CACNA1H: variants seen among roughly 807,000 people sequenced by gnomAD.
CACNA1H encodes voltage-dependent T-type calcium channel subunit alpha-1H.
CACNA1H carries 149 observed loss-of-function variants against 192.5 expected under a neutral mutation model. The observed-to-expected ratio is 0.77, with a 90% confidence interval of 0.68 to 0.89. CACNA1H has a LOEUF of 0.89. CACNA1H is among the 40% of genes least tolerant of loss of function. CACNA1H has a pLI of 0.00. For missense variants in CACNA1H, 4,257 were observed against 3,423.5 expected (o/e 1.24, Z -6.08); for synonymous variants, 2,202 against 1,475.2 (o/e 1.49, Z -11.29).
chr16:1,175,771 G>C (rs996219435), intron 2 of CACNA1H, among the ~76,000 whole-genome samples: 2 of 152,222 alleles, frequency 1.3e-5, no homozygotes, highest in South Asian at 4.1e-4. Context: ...CCCAGGCTGG[G>C]CAGGTAGGTG....
At chr16:1,170,694 A>G (rs1332805643) in intron 2 of CACNA1H, among the ~76,000 whole-genome samples, 2 of 152,010 alleles carry the variant, frequency 1.3e-5, no homozygotes, top group Non-Finnish European at 2.9e-5. Flanking sequence ...CGATCTGGAC[A>G]GGGATTTCGG....
In CACNA1H at chr16:1,153,771, C is replaced by T. The variant is rs2151603104; in HGVS notation, c.34C>T (p.Arg12Trp). 2 of 1,221,186 alleles carry T rather than the reference C, an allele frequency of 1.6e-6. No homozygotes were observed. Among genetic ancestry groups the T allele is most frequent in the African/African-American group, 1.6e-5 (1 of 63,126 alleles). 75.6% of individuals were successfully genotyped at this position (1,221,186 alleles called of 1,614,324 possible). The change falls in exon 2 of 35, where the codon CGG becomes TGG. Residue 12 changes from arginine to tryptophan, a missense_variant. Arg to Trp is a moderately radical substitution (Grantham distance 101). Coordinates refer to ENST00000348261, the MANE Select transcript of CACNA1H (RefSeq NM_021098.3). ...GGGCGCACGGGCCGCCGACGAGGTC[C>T]GGGTGCCCCTGGGCGCGCCGCCCCC... is the stretch of plus-strand genomic sequence containing the variant. ...TEGARAADEV[R>W]VPLGAPPPGP... is the part of the protein sequence containing the mutation.
chr16:1,163,608 C>T (rs1963449840), intron 2 of CACNA1H, among the ~76,000 whole-genome samples: 1 of 152,252 alleles, frequency 6.6e-6, no homozygotes, highest in Non-Finnish European at 1.5e-5. Context: ...AGCCGCCAGC[C>T]CTGGCTGTGG....
rs1321798024 is a variant in CACNA1H, at chr16:1,221,071, C to T, written c.*77C>T. On this transcript the variant is annotated 3_prime_UTR_variant, in exon 35 of 35. Transcript: ENST00000348261. ...CTGGGGTGGAGGCCCAGGCAGAACC[C>T]TGCATGGACCCTGACTTGGGTCCCG... 3 of 1,117,428 alleles carry T rather than the reference C, an allele frequency of 2.7e-6. No individual in the cohort carries two copies. Among genetic ancestry groups the T allele is most frequent in the Non-Finnish European group, 3.8e-6 (3 of 796,400 alleles). 69.2% of individuals were successfully genotyped at this position (1,117,428 alleles called of 1,614,324 possible).
chr16:1,206,932 C>T (rs1596440753), intron 12 of CACNA1H, 69 bp from the exon 13 acceptor site: 2 of 224,570 alleles, frequency 8.9e-6, no homozygotes, highest in Non-Finnish European at 1.8e-5. Context: ...CCCCCTCCCG[C>T]TCCCCCACCT....
At position 1,204,470 on chromosome 16, in the gene CACNA1H, C is replaced by T. The variant is rs781384027; in HGVS notation, c.2451+12C>T. 4.6e-6 allele frequency: 7 copies of T among 1,518,092 alleles called. No homozygotes were observed. The highest frequency in any genetic ancestry group is 1.4e-5 in the African/African-American group (1 of 71,944). The allele number at this position is 1,518,092 out of a possible 1,614,324, so 94.0% of individuals were successfully genotyped here. A position where few individuals can be genotyped will look rare whatever the true frequency, so the allele number is the denominator to read the frequency against. ...AGTACCATGAGCAGGTGCGGGCTGG[C>T]CTGGCCACGGGGTGGGCTCCCTGTC... is the stretch of plus-strand genomic sequence containing the variant. On this transcript the variant is annotated intron_variant, in intron 10 of 34. Transcript: ENST00000348261.
At position 1,220,141 on chromosome 16, in the gene CACNA1H, G is replaced by A. The variant is rs777897759; in HGVS notation, c.6209G>A (p.Arg2070His). The change falls in exon 35 of 35, where the codon CGT becomes CAT. Residue 2070 changes from arginine to histidine, a missense_variant. Transcript: ENST00000348261. ...RSPRPASVRTRKHTFGQRCVS... is the reference protein window; with the variant it reads ...RSPRPASVRTHKHTFGQRCVS... Reference sequence around the variant, plus strand: ...CCACGGCCCGCCAGCGTCCGCACTCGTAAGCATACCTTCGGACAGCGCTGC... The same window carrying A: ...CCACGGCCCGCCAGCGTCCGCACTCATAAGCATACCTTCGGACAGCGCTGC... 8.6e-6 allele frequency: 13 copies of A among 1,507,298 alleles called. No homozygotes were observed. The highest frequency in any genetic ancestry group is 5.0e-5 in the East Asian group (2 of 39,690). The allele number at this position is 1,507,298 out of a possible 1,614,324, so 93.4% of individuals were successfully genotyped here.
At chr16:1,206,976 AAC>A in intron 12 of CACNA1H, 23 bp from the exon 13 acceptor site, 1 of 1,178,476 alleles carries the variant, frequency 8.5e-7, no homozygotes, top group Non-Finnish European at 1.1e-6. Context: ...CTCCACCCTC[AAC>A]ACGCCCCTGC....
chr16:1,162,731 C>T (rs539944027), intron 2 of CACNA1H, among the ~76,000 whole-genome samples: 27 of 151,466 alleles, frequency 1.8e-4, no homozygotes, highest in Non-Finnish European at 4.4e-5. Flanking sequence ...GAGCAGGGAA[C>T]AAGATGGATG....
rs752653043 is a variant in CACNA1H at position 1,200,440 on chromosome 16, G to C, written c.988G>C (p.Val330Leu). The C allele has an allele frequency of 4.3e-6, 7 of 1,611,006 alleles. No individual in the cohort carries two copies. The African/African-American group carries it at 8.0e-5, about 18-fold the overall frequency. The change falls in exon 7 of 35, where the codon GTG becomes CTG. Residue 330 changes from valine (V) to leucine (L), a missense_variant. By Grantham distance (32) the Val-to-Leu change is conservative. Transcript: ENST00000348261. ...EAYTQPQAEG[V>L]GAARNACINW... ...CTACACGCAGCCGCAGGCCGAGGGG[G>C]TGGGCGCTGCACGCAACGCCTGCAT...
rs1044083232 is a variant in CACNA1H at position 1,201,818 on chromosome 16, C to T, written c.1368C>T (p.Cys456=). ...TLASFSEPGS[C]YEELLKYVGH... is the part of the protein sequence containing the mutation. Reference sequence around the variant, plus strand: ...CCAGCTTCTCCGAGCCTGGCAGCTGCTACGAAGAGCTGCTGAAGTACGTGG... The same window carrying T: ...CCAGCTTCTCCGAGCCTGGCAGCTGTTACGAAGAGCTGCTGAAGTACGTGG... The change falls in exon 9 of 35, where the codon TGC becomes TGT. Residue 456 remains cysteine, a synonymous_variant. Transcript: ENST00000348261. The T allele has an allele frequency of 1.9e-6, 3 of 1,582,300 alleles. No homozygotes were observed. Among genetic ancestry groups the T allele is most frequent in the African/African-American group, 1.3e-5 (1 of 74,250 alleles).
intron 2 of CACNA1H, among the ~76,000 whole-genome samples, chr16:1,165,048 G>A (rs1252976412): frequency 2.0e-5 from 3 of 152,180 alleles, no homozygotes; most frequent in Admixed American, 2.0e-4. Flanking sequence ...GTGCAGGGGT[G>A]GGAACAGTGG....
intron 27 of CACNA1H, among the ~76,000 whole-genome samples, chr16:1,214,723 C>G (rs1018333676): frequency 8.5e-5 from 13 of 152,212 alleles, no homozygotes; most frequent in African/African-American, 3.1e-4. Context: ...CAGTGGCATT[C>G]AGCTGGTCTT....
At chr16:1,206,708 C>T (rs905908057) in intron 12 of CACNA1H, 1 of 462,584 alleles carries the variant, frequency 2.2e-6, no homozygotes, top group Non-Finnish European at 3.9e-6. Flanking sequence ...CTGAATGAGG[C>T]AGGTGTCCCA....
rs1418235388 is a variant in CACNA1H, at chr16:1,214,968, C to G, written c.4930-4C>G. On this transcript the variant is annotated splice_polypyrimidine_tract_variant and splice_region_variant and intron_variant, in intron 27 of 34. Coordinates refer to ENST00000348261, the MANE Select transcript of CACNA1H (RefSeq NM_021098.3). The stretch of plus-strand genomic sequence containing the variant: ...CCTCAGCCAGCCCGACCCTCCACCC[C>G]CAGTCGCTGGACGAGGCCCTCAAGT... 7 of 1,599,034 alleles carry G rather than the reference C, an allele frequency of 4.4e-6. No homozygotes were observed. The highest frequency in any genetic ancestry group is 1.1e-5 in the South Asian group (1 of 88,816).
Position 1,200,825 on chromosome 16 carries a change from G to C in CACNA1H, c.1212+17G>C, listed in dbSNP as rs1967777773. On this transcript the variant is annotated intron_variant, in intron 8 of 34. Coordinates refer to ENST00000348261, the MANE Select transcript of CACNA1H (RefSeq NM_021098.3). ...CTCATCATCGTGAGTGTGGGCGGCA[G>C]TGTTCGCCATGATGGGCCCTGGTGT... The C allele has an allele frequency of 6.5e-7, 1 of 1,546,202 alleles. No individual in the cohort carries two copies. The highest frequency in any genetic ancestry group is 8.8e-7 in the Non-Finnish European group (1 of 1,142,628).
intron 2 of CACNA1H, among the ~76,000 whole-genome samples, chr16:1,156,442 T>C (rs1962401554): frequency 6.6e-6 from 1 of 152,172 alleles, no homozygotes; most frequent in Non-Finnish European, 1.5e-5. Context: ...GTGGGGGGAT[T>C]GGCTGAGCCG....
At position 1,204,402 on chromosome 16, in the gene CACNA1H, A is replaced by G. The variant is rs1216897674; in HGVS notation, c.2395A>G (p.Ile799Val). The G allele has an allele frequency of 2.6e-6, 4 of 1,555,788 alleles. No homozygotes were observed. In the Admixed American group the frequency reaches 5.6e-5, roughly 22 times the overall value. Residue 799 changes from isoleucine to valine, a missense_variant, in exon 10 of 35, where the codon ATC becomes GTC. Physicochemically the swap from Ile to Val is conservative, Grantham distance 29 (BLOSUM62 3). Coordinates refer to ENST00000348261, the MANE Select transcript of CACNA1H (RefSeq NM_021098.3). ...IVDSKYFSRG[I>V]MMAILVNTLS... ...GGACAGCAAGTACTTCAGCCGTGGC[A>G]TCATGATGGCCATCCTTGTCAACAC... is the stretch of plus-strand genomic sequence containing the variant.
At position 1,180,674 on chromosome 16, in the gene CACNA1H, C is replaced by T. The variant is rs1883555; in HGVS notation, c.300-14298C>T. ...CGGGGCAGGTAGGGAGGGGCCTGGGCAGGGCGGGGCAGGGAGGGATGAGGT... is the reference window on the plus strand; with the variant it reads ...CGGGGCAGGTAGGGAGGGGCCTGGGTAGGGCGGGGCAGGGAGGGATGAGGT... On this transcript the variant is annotated intron_variant, in intron 2 of 34. Coordinates refer to ENST00000348261, the MANE Select transcript of CACNA1H (RefSeq NM_021098.3). The surrounding 1 kb of genome is among the most constrained non-coding windows in gnomAD (Gnocchi z 4.4). 0.11 allele frequency among the ~76,000 whole-genome samples: 16,891 copies of T among 147,818 alleles called. 1,537 individuals are homozygous for T. Among genetic ancestry groups the T allele is most frequent in the East Asian group, 0.48 (2,337 of 4,900 alleles).
Sources: allele counts gnomAD v4.1 joint callset (sites outside exome capture counted in the v4.1 genomes callset), GRCh38; gene constraint gnomAD v4.1.1; non-coding constraint Gnocchi (gnomAD v3.1); transcripts MANE v1.5; gene names NCBI Gene and HGNC (gene_info 2026-07-23, HGNC 2026-07-21).